The following SOHLH2 variants were observed in gnomAD, a reference collection of about 807,000 sequenced individuals.
SOHLH2 encodes spermatogenesis- and oogenesis-specific basic helix-loop-helix-containing protein 2.
In SOHLH2, 22 loss-of-function variants were observed where a neutral mutation model predicts 50.4. That is an observed-to-expected ratio of 0.44 (90% confidence interval 0.31 to 0.62). SOHLH2 has a LOEUF of 0.62. SOHLH2 is among the 20% of genes least tolerant of loss of function. SOHLH2 has a pLI of 0.08. For synonymous variants in SOHLH2, 185 were observed against 187.3 expected, an observed-to-expected ratio of 0.99 and a Z score of 0.10; for missense variants, 412 against 504.4, an observed-to-expected ratio of 0.82 and a Z score of 1.76.
chr13:36,205,262 T>C (rs1453025649), intron 1 of SOHLH2, among the ~76,000 whole-genome samples: 5 of 152,176 alleles, frequency 3.3e-5, no homozygotes, highest in Non-Finnish European at 7.4e-5. Flanking sequence ...TGCCTTTTAT[T>C]TGACTTTAAA....
intron 6 of SOHLH2, among the ~76,000 whole-genome samples, chr13:36,186,839 G>A (rs1022990213): frequency 2.6e-5 from 4 of 152,040 alleles, no homozygotes; most frequent in African/African-American, 9.7e-5. Flanking sequence ...CAGAACCATC[G>A]TTTCCTTAAC....
At chr13:36,181,793 G>T (rs974510110) in intron 6 of SOHLH2, among the ~76,000 whole-genome samples, 4 of 152,066 alleles carry the variant, frequency 2.6e-5, no homozygotes, top group Non-Finnish European at 5.9e-5. Flanking sequence ...CTAGTGATTC[G>T]AGTTTCCATT....
intron 5 of SOHLH2, among the ~76,000 whole-genome samples, chr13:36,190,567 C>T (rs930381773): frequency 1.3e-5 from 2 of 152,116 alleles, no homozygotes; most frequent in Admixed American, 1.3e-4. Context: ...TTTAAAAATA[C>T]ATTAATCTAA....
intron 6 of SOHLH2, among the ~76,000 whole-genome samples, chr13:36,180,152 C>G (rs941047614): frequency 1.3e-5 from 2 of 152,228 alleles, no homozygotes; most frequent in Middle Eastern, 3.4e-3. Context: ...TCCAGTACAT[C>G]TAGGTTGTAG....
intron 1 of SOHLH2, among the ~76,000 whole-genome samples, chr13:36,211,988 T>TAGC (rs1337426173): frequency 5.9e-5 from 9 of 152,170 alleles, no homozygotes; most frequent in Non-Finnish European, 1.0e-4. Flanking sequence ...TTTCCCTAGC[T>TAGC]AGCACATGGC....
intron 6 of SOHLH2, among the ~76,000 whole-genome samples, chr13:36,184,753 C>T (rs928675963): frequency 1.3e-5 from 2 of 152,120 alleles, no homozygotes; most frequent in Non-Finnish European, 2.9e-5. Flanking sequence ...CCACTGCACC[C>T]GCTCTACTTT....
intron 6 of SOHLH2, chr13:36,183,224 T>C (rs1887309141): frequency 3.1e-6 from 1 of 324,332 alleles, no homozygotes; most frequent in Non-Finnish European, 6.9e-6. Context: ...CAATTAAACC[T>C]CTTTTCTTTA....
chr13:36,168,896 C>T lies in SOHLH2; in HGVS notation c.*138G>A. 1.4e-6 allele frequency: 2 copies of T among 1,405,114 alleles called. No individual in the cohort carries two copies. The highest frequency in any genetic ancestry group is 1.9e-6 in the Non-Finnish European group (2 of 1,066,664). The allele number at this position is 1,405,114 out of a possible 1,614,324, so 87.0% of individuals were successfully genotyped here. ...CTGCAGAAGCTTTGAGTGCATTTATCAGAAGCCAAACCATGCCAACTCTTT... is the reference window on the plus strand; with the variant it reads ...CTGCAGAAGCTTTGAGTGCATTTATTAGAAGCCAAACCATGCCAACTCTTT... On this transcript the variant is annotated 3_prime_UTR_variant, in exon 11 of 11. Transcript: ENST00000379881.
rs1887022007 is a variant in SOHLH2 at position 36,173,634 on chromosome 13, G to A, written c.1000+58C>T. On this transcript the variant is annotated intron_variant, in intron 9 of 10. Transcript: ENST00000379881. ...GGTGGTGAATGCACAGGAGCCTGGGGGTTTGCAGGGCAGGGCAGGTCCCCC... is the reference window on the plus strand; with the variant it reads ...GGTGGTGAATGCACAGGAGCCTGGGAGTTTGCAGGGCAGGGCAGGTCCCCC... 5.6e-6 allele frequency: 9 copies of A among 1,599,388 alleles called. No individual in the cohort carries two copies. In the South Asian group the frequency reaches 8.8e-5, roughly 16 times the overall value.
intron 1 of SOHLH2, among the ~76,000 whole-genome samples, chr13:36,211,898 G>C (rs894338793): frequency 6.6e-6 from 1 of 152,170 alleles, no homozygotes; most frequent in Admixed American, 6.5e-5. Context: ...TGCACTGTTT[G>C]AATCACAGTG....
chr13:36,179,536 G>C lies in SOHLH2; in HGVS notation c.642-4667C>G, dbSNP rs527561939. 2.0e-5 allele frequency among the ~76,000 whole-genome samples: 3 copies of C among 152,152 alleles called. No individual in the cohort carries two copies. In the South Asian group the frequency reaches 6.2e-4, roughly 32 times the overall value. Reference sequence around the variant, plus strand: ...TGATTCTCATGCCTCAGCCTCACGAGTAGCGGAGATTACAGGTGTGTGCCA... The same window carrying C: ...TGATTCTCATGCCTCAGCCTCACGACTAGCGGAGATTACAGGTGTGTGCCA... On this transcript the variant is annotated intron_variant, in intron 6 of 10. Transcript: ENST00000379881.
chr13:36,202,593 C>T lies in SOHLH2; in HGVS notation c.49-500G>A, dbSNP rs116850193. ...CAATGGAATATATGTGCTATTCAAA[C>T]CTCAATATTAGGAACCAAAAAGGCC... is the stretch of plus-strand genomic sequence containing the variant. On this transcript the variant is annotated intron_variant, in intron 1 of 10. Coordinates refer to ENST00000379881, the MANE Select transcript of SOHLH2 (RefSeq NM_017826.3). Among the ~76,000 whole-genome samples the T allele has an allele frequency of 9.3e-3, 1,423 of 152,238 alleles. 10 individuals carry two copies. The highest frequency in any genetic ancestry group is 0.013 in the Non-Finnish European group (865 of 68,028).
intron 2 of SOHLH2, among the ~76,000 whole-genome samples, chr13:36,199,663 A>G (rs1172462065): frequency 6.6e-6 from 1 of 152,258 alleles, no homozygotes; most frequent in African/African-American, 2.4e-5. Flanking sequence ...AGAAATCTTA[A>G]GCTATGTTAC....
At chr13:36,171,827 G>A (rs777861681) in intron 9 of SOHLH2, among the ~76,000 whole-genome samples, 12 of 152,176 alleles carry the variant, frequency 7.9e-5, no homozygotes, top group Non-Finnish European at 1.2e-4. Context: ...AAATGGTGAT[G>A]AGTGATGCAT....
intron 6 of SOHLH2, among the ~76,000 whole-genome samples, chr13:36,183,441 A>G (rs1157058222): frequency 2.0e-5 from 3 of 152,304 alleles, no homozygotes; most frequent in East Asian, 3.9e-4. Context: ...AGAGCAACCA[A>G]TAAAAAATAG....
intron 1 of SOHLH2, among the ~76,000 whole-genome samples, chr13:36,202,972 T>C (rs1299873431): frequency 6.6e-6 from 1 of 152,226 alleles, no homozygotes; most frequent in Non-Finnish European, 1.5e-5. Context: ...TTCAGCCTGG[T>C]TTCCTGAGGG....
intron 6 of SOHLH2, among the ~76,000 whole-genome samples, chr13:36,188,091 C>T (rs1361394241): frequency 1.3e-5 from 2 of 152,208 alleles, no homozygotes; most frequent in African/African-American, 4.8e-5. Context: ...ACAGCCCCCG[C>T]TGAGCTCAGA....
chr13:36,213,099 A>C (rs958124088), intron 1 of SOHLH2, among the ~76,000 whole-genome samples: 1 of 152,196 alleles, frequency 6.6e-6, no homozygotes, highest in Non-Finnish European at 1.5e-5. Flanking sequence ...CAGTTTCCTC[A>C]GGAGTCAAGG....
intron 1 of SOHLH2, among the ~76,000 whole-genome samples, chr13:36,213,145 C>T (rs181347725): frequency 6.6e-6 from 1 of 152,210 alleles, no homozygotes; most frequent in East Asian, 1.9e-4. Flanking sequence ...ACTGAGCAAG[C>T]GGCTTTTCTC....
Sources: allele counts gnomAD v4.1 joint callset (sites outside exome capture counted in the v4.1 genomes callset), GRCh38; gene constraint gnomAD v4.1.1; transcripts MANE v1.5; gene names NCBI Gene and HGNC (gene_info 2026-07-23, HGNC 2026-07-21).